FBH1: variants seen among roughly 807,000 people sequenced by gnomAD.
FBH1 encodes the protein F-box DNA helicase 1.
Under a neutral mutation model 115.5 loss-of-function variants are expected in FBH1, and 43 were observed. The observed-to-expected ratio is 0.37, with a 90% CI of 0.29 to 0.48. The LOEUF is 0.48. FBH1 is among the 20% of genes least tolerant of loss of function. The pLI is 0.99. For missense variants in FBH1, 1,001 were observed against 1,337.3 expected, an observed-to-expected ratio of 0.75 and a Z score of 3.92; for synonymous variants, 524 against 507.8, an observed-to-expected ratio of 1.03 and a Z score of -0.43.
chr10:5,894,445 TA>T, intron 1 of FBH1: 6 of 1,561,406 alleles, frequency 3.8e-6, no homozygotes, highest in Non-Finnish European at 5.3e-6. Flanking sequence ...TGCACTGGAC[TA>T]GGGGAGTCAG....
intron 1 of FBH1, among the ~76,000 whole-genome samples, chr10:5,898,373 G>T (rs890388251): frequency 1.3e-5 from 2 of 152,054 alleles, no homozygotes; most frequent in African/African-American, 2.4e-5. Flanking sequence ...CATTTGTGGG[G>T]ACTCCACCCT....
Position 5,936,897 on chromosome 10 carries a change from C to T in FBH1, c.2962-213C>T. The T allele has an allele frequency of 1.6e-6, 1 of 616,028 alleles. No homozygotes were observed. Among genetic ancestry groups the T allele is most frequent in the Non-Finnish European group, 2.8e-6 (1 of 355,162 alleles). The allele number at this position is 616,028 out of a possible 1,614,324, so 38.2% of individuals were successfully genotyped here. ...TTCTTTATCTTGACTGGATAAATGA[C>T]TGTTTCTGAGCTCAGGGAATTTGGG... On this transcript the variant is annotated intron_variant, in intron 20 of 20. Transcript: ENST00000362091. This position sits in a 1 kb window ranked among gnomAD's most constrained non-coding sequence, Gnocchi z 5.6.
Position 5,913,216 on chromosome 10 carries a change from A to C in FBH1, c.1212-531A>C, listed in dbSNP as rs1831714329. Among the ~76,000 whole-genome samples, 1 of 152,144 alleles carries C rather than the reference A, an allele frequency of 6.6e-6. No individual in the cohort carries two copies. Among genetic ancestry groups the C allele is most frequent in the South Asian group, 2.1e-4 (1 of 4,816 alleles). ...TGGAGCCTACTGTTTTCAGGTCCTTAGTAGTCAGATCTTGTTATCCATAGT... is the reference window on the plus strand; with the variant it reads ...TGGAGCCTACTGTTTTCAGGTCCTTCGTAGTCAGATCTTGTTATCCATAGT... On this transcript the variant is annotated intron_variant, in intron 6 of 20. Coordinates refer to ENST00000362091, the MANE Select transcript of FBH1 (RefSeq NM_178150.3). The surrounding 1 kb of genome is among the most constrained non-coding windows in gnomAD (Gnocchi z 4.4).
rs1831734874 is a variant in FBH1, at chr10:5,913,458, G to C, written c.1212-289G>C. ...GTCCTTACAGTTTTTCAGGTTGTTT[G>C]TCTCTTCAAGTCACAGCTGGCGCCC... On this transcript the variant is annotated intron_variant, in intron 6 of 20. Transcript: ENST00000362091. The surrounding 1 kb of genome is among the most constrained non-coding windows in gnomAD (Gnocchi z 4.4). Among the ~76,000 whole-genome samples the C allele has an allele frequency of 6.6e-6, 1 of 152,124 alleles. No individual in the cohort carries two copies. Among genetic ancestry groups the C allele is most frequent in the Non-Finnish European group, 1.5e-5 (1 of 68,024 alleles).
In FBH1 at chr10:5,927,531, C is replaced by G; in HGVS notation, c.2819C>G (p.Thr940Ser). The G allele has an allele frequency of 6.2e-7, 1 of 1,612,950 alleles. No individual in the cohort carries two copies. Among genetic ancestry groups the G allele is most frequent in the Non-Finnish European group, 8.5e-7 (1 of 1,179,658 alleles). Residue 940 changes from threonine to serine, a missense_variant, in exon 19 of 21, where the codon ACT becomes AGT. This residue lies in a region of FBH1 where 521 missense variants were observed against 811.0 expected (regional missense o/e 0.64). Coordinates refer to ENST00000362091, the MANE Select transcript of FBH1 (RefSeq NM_178150.3). ...ACCAAATCATTGGAAAACATTTTGA[C>G]TTTGGCTGGGGTAAGCAGAACGGGC... ...IMTKSLENIL[T>S]LAGEYFLQAE...
At chr10:5,894,699 G>A (rs1022526148) in intron 1 of FBH1, among the ~76,000 whole-genome samples, 2 of 152,194 alleles carry the variant, frequency 1.3e-5, no homozygotes, top group African/African-American at 2.4e-5. Context: ...ACATTTGTTC[G>A]TTTAATCAGG....
chr10:5,928,959 G>A (rs533547111), intron 19 of FBH1, among the ~76,000 whole-genome samples: 54 of 152,282 alleles, frequency 3.5e-4, no homozygotes, highest in Non-Finnish European at 6.8e-4. Context: ...GGGGTGAGCC[G>A]CGCCGTACTG....
At position 5,895,060 on chromosome 10, in the gene FBH1, C is replaced by T. The variant is rs984981051; in HGVS notation, c.1+4714C>T. 3.7e-6 allele frequency: 6 copies of T among 1,611,702 alleles called. No individual in the cohort carries two copies. The African/African-American group carries it at 6.7e-5, about 18-fold the overall frequency. On this transcript the variant is annotated intron_variant, in intron 1 of 20. Coordinates refer to ENST00000362091, the MANE Select transcript of FBH1 (RefSeq NM_178150.3). This position sits in a 1 kb window ranked among gnomAD's most constrained non-coding sequence, Gnocchi z 5.0. Reference sequence around the variant, plus strand: ...TGGGCCATTCCCGTTTCACAGGCTGCCATTGGACCTGTCAAGTGCCTGAGT... The same window carrying T: ...TGGGCCATTCCCGTTTCACAGGCTGTCATTGGACCTGTCAAGTGCCTGAGT...
rs796251646 is a variant in FBH1 at position 5,897,621 on chromosome 10, G to A, written c.2-5399G>A. Among the ~76,000 whole-genome samples, 11 of 152,266 alleles carry A rather than the reference G, an allele frequency of 7.2e-5. No homozygotes were observed. Among genetic ancestry groups the A allele is most frequent in the African/African-American group, 2.6e-4 (11 of 41,554 alleles). Reference sequence around the variant, plus strand: ...CGCCAGCCAAACTATGGCTGGTAACGCCATTCCAGTTATATAGGTTACTTA... The same window carrying A: ...CGCCAGCCAAACTATGGCTGGTAACACCATTCCAGTTATATAGGTTACTTA... On this transcript the variant is annotated intron_variant, in intron 1 of 20. Coordinates refer to ENST00000362091, the MANE Select transcript of FBH1 (RefSeq NM_178150.3). The surrounding 1 kb of genome is among the most constrained non-coding windows in gnomAD (Gnocchi z 4.7).
chr10:5,890,705 T>C (rs1484226660), intron 1 of FBH1, among the ~76,000 whole-genome samples: 5 of 152,212 alleles, frequency 3.3e-5, no homozygotes, highest in African/African-American at 7.2e-5. Context: ...TCCCGTCTAC[T>C]CTGACGTTTT....
chr10:5,921,191 C>T lies in FBH1; in HGVS notation c.2101-67C>T. On this transcript the variant is annotated intron_variant, in intron 13 of 20. Coordinates refer to ENST00000362091, the MANE Select transcript of FBH1 (RefSeq NM_178150.3). The surrounding 1 kb of genome is among the most constrained non-coding windows in gnomAD (Gnocchi z 6.4). Reference sequence around the variant, plus strand: ...GTCTGGCCCGGCCAGGCTGTGGCAGCAGTGATGGAAATGCACGGACACACC... The same window carrying T: ...GTCTGGCCCGGCCAGGCTGTGGCAGTAGTGATGGAAATGCACGGACACACC... 6.8e-7 allele frequency: 1 copy of T among 1,468,184 alleles called. No individual in the cohort carries two copies. The highest frequency in any genetic ancestry group is 9.5e-7 in the Non-Finnish European group (1 of 1,053,580). 90.9% of individuals were successfully genotyped at this position (1,468,184 alleles called of 1,614,324 possible). A position where few individuals can be genotyped will look rare whatever the true frequency, so the allele number is the denominator to read the frequency against.
intron 1 of FBH1, among the ~76,000 whole-genome samples, chr10:5,898,123 G>T (rs1455753889): frequency 6.6e-6 from 1 of 152,200 alleles, no homozygotes; most frequent in African/African-American, 2.4e-5. Context: ...TTCACAGAAC[G>T]TGTGCTGCCT....
rs774677793 is a variant in FBH1, at chr10:5,897,326, C to T, written c.2-5694C>T. On this transcript the variant is annotated intron_variant, in intron 1 of 20. Coordinates refer to ENST00000362091, the MANE Select transcript of FBH1 (RefSeq NM_178150.3). This position sits in a 1 kb window ranked among gnomAD's most constrained non-coding sequence, Gnocchi z 4.7. ...GGTCTTCTCCTGCACCCCACAGCCT[C>T]GGAGGGGCTTTAAGGGAACATTAAG... Among the ~76,000 whole-genome samples the T allele has an allele frequency of 2.6e-5, 4 of 152,054 alleles. No homozygotes were observed. Among genetic ancestry groups the T allele is most frequent in the South Asian group, 2.1e-4 (1 of 4,828 alleles).
Position 5,911,189 on chromosome 10 carries a change from G to A in FBH1, c.1211+61G>A, listed in dbSNP as rs964853878. ...TAATGGGAGAGTCCCAGACACAGCA[G>A]CAGGTCCAGCCCTGCCACTTAGCAG... On this transcript the variant is annotated intron_variant, in intron 6 of 20. Transcript: ENST00000362091. This position sits in a 1 kb window ranked among gnomAD's most constrained non-coding sequence, Gnocchi z 5.4. 1.1e-5 allele frequency: 16 copies of A among 1,512,196 alleles called. No individual in the cohort carries two copies. In the African/African-American group the frequency reaches 2.1e-4, roughly 19 times the overall value. 93.7% of individuals were successfully genotyped at this position (1,512,196 alleles called of 1,614,324 possible).
chr10:5,890,986 A>G (rs895570385), intron 1 of FBH1: 7 of 186,080 alleles, frequency 3.8e-5, no homozygotes, highest in African/African-American at 1.7e-4. Flanking sequence ...TGCCAGGCCT[A>G]AAAACGAGTG....
At chr10:5,927,837 T>C (rs988461272) in intron 19 of FBH1, among the ~76,000 whole-genome samples, 3 of 152,044 alleles carry the variant, frequency 2.0e-5, no homozygotes, top group African/African-American at 7.2e-5. Context: ...TTTGGGAGGC[T>C]GAGGTGGGAG....
In FBH1 at chr10:5,914,295, G is replaced by T; in HGVS notation, c.1396+26G>T. On this transcript the variant is annotated intron_variant, in intron 8 of 20. Coordinates refer to ENST00000362091, the MANE Select transcript of FBH1 (RefSeq NM_178150.3). This position sits in a 1 kb window ranked among gnomAD's most constrained non-coding sequence, Gnocchi z 5.2. ...GTAAGGGAGCCCACATCAGGTTCACGAGGTGGTGGTTTTCTGCCTTTTCTC... is the reference window on the plus strand; with the variant it reads ...GTAAGGGAGCCCACATCAGGTTCACTAGGTGGTGGTTTTCTGCCTTTTCTC... 6.2e-7 allele frequency: 1 copy of T among 1,606,202 alleles called. No homozygotes were observed. The highest frequency in any genetic ancestry group is 8.5e-7 in the Non-Finnish European group (1 of 1,172,724).
At chr10:5,916,497 G>T (rs1831946030) in intron 10 of FBH1, 41 bp downstream of exon 10, 3 of 1,581,520 alleles carry the variant, frequency 1.9e-6, no homozygotes, top group Non-Finnish European at 2.6e-6. Context: ...ATCTGAGGAT[G>T]GGGGAACAGG....
intron 19 of FBH1, chr10:5,929,625 G>C (rs1832858328): frequency 6.6e-6 from 1 of 152,220 alleles, no homozygotes; most frequent in African/African-American, 2.4e-5. Flanking sequence ...GATCTCTGTT[G>C]CAGCTACCCA....
Sources: gnomAD v4.1 joint callset for allele counts (sites outside exome capture counted in the v4.1 genomes callset) on GRCh38, gnomAD v4.1.1 for gene constraint, gnomAD v4.1.1 regional missense constraint, Gnocchi (gnomAD v3.1) non-coding constraint, MANE v1.5 for transcripts, NCBI Gene and HGNC (gene_info 2026-07-23, HGNC 2026-07-21) for gene names.